The following KPNA4 variants were observed in gnomAD, a reference collection of about 807,000 sequenced individuals.
KPNA4 encodes the protein karyopherin subunit alpha 4, also known as importin subunit alpha-3.
A neutral mutation model predicts 71.3 loss-of-function variants in KPNA4; 13 were observed. That is an observed-to-expected ratio of 0.18 (90% CI 0.12 to 0.29). The LOEUF (loss-of-function observed/expected upper bound fraction) is 0.29. KPNA4 is among the 10% of genes least tolerant of loss of function. The pLI is 1.00. For missense variants in KPNA4, 334 were observed against 603.2 expected, an observed-to-expected ratio of 0.55 and a Z score of 4.67; for synonymous variants, 189 against 195.2, an observed-to-expected ratio of 0.97 and a Z score of 0.26.
At chr3:160,539,487 G>C (rs571211099) in intron 1 of KPNA4, among the ~76,000 whole-genome samples, 5 of 152,146 alleles carry the variant, frequency 3.3e-5, no homozygotes, top group Admixed American at 2.0e-4. Context: ...TTACAACCCA[G>C]ACAGTCTCAC....
chr3:160,548,482 A>G (rs1285945994), intron 1 of KPNA4, among the ~76,000 whole-genome samples: 1 of 152,150 alleles, frequency 6.6e-6, no homozygotes, highest in East Asian at 1.9e-4. Flanking sequence ...TCCCCTGGCA[A>G]CCATTATTCC....
chr3:160,514,106 C>A lies in KPNA4; in HGVS notation c.1108G>T (p.Val370Leu), dbSNP rs757775746. The A allele has an allele frequency of 3.1e-6, 5 of 1,587,660 alleles. No individual in the cohort carries two copies. The highest frequency in any genetic ancestry group is 3.4e-6 in the Non-Finnish European group (4 of 1,171,340). Reference protein sequence around the residue: ...QVQAVIDANLVPMIIHLLDKG... With the variant: ...QVQAVIDANLLPMIIHLLDKG... The stretch of plus-strand genomic sequence containing the variant: ...TCCAAAAGGTGTATTATCATTGGTA[C>A]AAGATTGGCATCAATTACTGCCTGT... The change falls in exon 13 of 17, where the codon GTA becomes TTA. Residue 370 changes from valine to leucine, a missense_variant. By Grantham distance (32) the Val-to-Leu change is conservative (BLOSUM62 1). Transcript: ENST00000334256.
At position 160,497,419 on chromosome 3, in the gene KPNA4, T is replaced by TA. The variant is rs1265978691; in HGVS notation, c.*4684dup. The TA allele has an allele frequency of 6.6e-6, 1 of 152,010 alleles. No individual in the cohort carries two copies. The highest frequency in any genetic ancestry group is 2.4e-5 in the African/African-American group (1 of 41,406). The allele number at this position is 152,010 out of a possible 1,614,324, so 9.4% of individuals were successfully genotyped here. On this transcript the variant is annotated 3_prime_UTR_variant, in exon 17 of 17. Transcript: ENST00000334256. ...AGAGCGAGACTGTGTCTCAAAAAAA[T>TA]AAAAATAGAAGACTGCACTAATGCC...
intron 15 of KPNA4, among the ~76,000 whole-genome samples, chr3:160,505,726 G>A (rs1295194342): frequency 6.6e-6 from 1 of 152,142 alleles, no homozygotes; most frequent in Non-Finnish European, 1.5e-5. Context: ...CTTAAATGGA[G>A]AAAGTTATCT....
In KPNA4 at chr3:160,501,164, C is replaced by G. The variant is rs1720870468; in HGVS notation, c.*940G>C. ...AAATTAGTTTTGATGATATGGAAAGCTTTTCATAGCATCAAACATTCATCT... is the reference window on the plus strand; with the variant it reads ...AAATTAGTTTTGATGATATGGAAAGGTTTTCATAGCATCAAACATTCATCT... On this transcript the variant is annotated 3_prime_UTR_variant, in exon 17 of 17. Coordinates refer to ENST00000334256, the MANE Select transcript of KPNA4 (RefSeq NM_002268.5). 2 of 151,962 alleles carry G rather than the reference C, an allele frequency of 1.3e-5. No individual in the cohort carries two copies. The highest frequency in any genetic ancestry group is 1.3e-4 in the Admixed American group (2 of 15,216). The allele number at this position is 151,962 out of a possible 1,614,324, so 9.4% of individuals were successfully genotyped here. A position where few individuals can be genotyped will look rare whatever the true frequency, so the allele number is the denominator to read the frequency against.
chr3:160,553,749 TC>T (rs1722085051), intron 1 of KPNA4, among the ~76,000 whole-genome samples: 2 of 152,166 alleles, frequency 1.3e-5, no homozygotes, highest in South Asian at 4.1e-4. Context: ...AGAGATGCAA[TC>T]CTAGGTGTTC....
chr3:160,539,998 C>CT (rs376611861), intron 1 of KPNA4, among the ~76,000 whole-genome samples: 52,520 of 129,184 alleles, frequency 0.41, 11,592 homozygotes, highest in Non-Finnish European at 0.48. Flanking sequence ...TTTTTCTTTT[C>CT]TTTTTTTTTT....
intron 10 of KPNA4, among the ~76,000 whole-genome samples, chr3:160,523,545 G>A (rs940195980): frequency 2.0e-5 from 3 of 151,406 alleles, no homozygotes; most frequent in Non-Finnish European, 2.9e-5. Context: ...GTAAAAAGAA[G>A]ACATCAAATG....
chr3:160,565,156 G>T lies in KPNA4; in HGVS notation c.69+58C>A. Reference sequence around the variant, plus strand: ...CCTAATCCCCACACTCGGGGTCCCGGCGGAGACCGGCCCCAGGCCCACAGC... The same window carrying T: ...CCTAATCCCCACACTCGGGGTCCCGTCGGAGACCGGCCCCAGGCCCACAGC... On this transcript the variant is annotated intron_variant, in intron 1 of 16. Transcript: ENST00000334256. The T allele has an allele frequency of 4.9e-6, 7 of 1,429,150 alleles. 1 individual carries two copies. The South Asian group carries it at 7.3e-5, about 15-fold the overall frequency. The allele number at this position is 1,429,150 out of a possible 1,614,324, so 88.5% of individuals were successfully genotyped here. A position where few individuals can be genotyped will look rare whatever the true frequency, so the allele number is the denominator to read the frequency against.
Position 160,531,568 on chromosome 3 carries a change from TA to T in KPNA4, c.288-12del. On this transcript the variant is annotated splice_polypyrimidine_tract_variant and intron_variant, in intron 5 of 16. Coordinates refer to ENST00000334256, the MANE Select transcript of KPNA4 (RefSeq NM_002268.5). Reference sequence around the variant, plus strand: ...CTGGACAAAAGCTTCCTGTAAGAGATAAAAACACTCCTGTGAAACTTAATAA... The same window carrying T: ...CTGGACAAAAGCTTCCTGTAAGAGATAAAACACTCCTGTGAAACTTAATAA... The T allele has an allele frequency of 7.0e-7, 1 of 1,424,430 alleles. No individual in the cohort carries two copies. Among genetic ancestry groups the T allele is most frequent in the Non-Finnish European group, 9.7e-7 (1 of 1,035,762 alleles). The allele number at this position is 1,424,430 out of a possible 1,614,324, so 88.2% of individuals were successfully genotyped here. A position where few individuals can be genotyped will look rare whatever the true frequency, so the allele number is the denominator to read the frequency against.
intron 1 of KPNA4, among the ~76,000 whole-genome samples, chr3:160,558,021 C>A (rs911461166): frequency 6.6e-6 from 1 of 152,110 alleles, no homozygotes; most frequent in African/African-American, 2.4e-5. Context: ...TCTTGTATTA[C>A]CAACAAATAT....
At chr3:160,536,509 ATACTTT>A (rs1191697784) in intron 2 of KPNA4, among the ~76,000 whole-genome samples, 9 of 152,132 alleles carry the variant, frequency 5.9e-5, no homozygotes, top group African/African-American at 1.9e-4. Context: ...TCAATGACTT[ATACTTT>A]AAGTTCTTTA....
chr3:160,507,109 T>G (rs746929542), intron 15 of KPNA4, among the ~76,000 whole-genome samples: 3 of 152,216 alleles, frequency 2.0e-5, no homozygotes, highest in Non-Finnish European at 2.9e-5. Context: ...AAAGCTAATA[T>G]GTATTGTTTA....
intron 1 of KPNA4, among the ~76,000 whole-genome samples, chr3:160,552,922 G>C (rs1178036533): frequency 6.6e-6 from 1 of 152,158 alleles, no homozygotes; most frequent in African/African-American, 2.4e-5. Context: ...TCTCAGTAAG[G>C]AGTATGGAAG....
intron 12 of KPNA4, chr3:160,514,764 C>A (rs1462440677): frequency 3.0e-6 from 1 of 336,972 alleles, no homozygotes; most frequent in Non-Finnish European, 5.9e-6. Flanking sequence ...ATTGGCCTAT[C>A]TTAATCTTTT....
In KPNA4 at chr3:160,504,956, A is replaced by T; in HGVS notation, c.1467+2T>A. On this transcript the variant is annotated splice_donor_variant, in intron 16 of 16. Coordinates refer to ENST00000334256, the MANE Select transcript of KPNA4 (RefSeq NM_002268.5). LOFTEE classifies it high-confidence loss of function. ...TAAGAAAACTACAAAATTATTAAAT[A>T]CATCATCTGAAGAGAAGAACTGATC... is the stretch of plus-strand genomic sequence containing the variant. 1 of 1,390,282 alleles carries T rather than the reference A, an allele frequency of 7.2e-7. No individual in the cohort carries two copies. The highest frequency in any genetic ancestry group is 9.7e-7 in the Non-Finnish European group (1 of 1,027,690). The allele number at this position is 1,390,282 out of a possible 1,614,324, so 86.1% of individuals were successfully genotyped here.
intron 1 of KPNA4, among the ~76,000 whole-genome samples, chr3:160,543,346 A>G (rs554445676): frequency 2.4e-4 from 36 of 151,754 alleles, no homozygotes; most frequent in Middle Eastern, 3.4e-3. Context: ...AAACTGTATC[A>G]TTTTTTTCCC....
chr3:160,565,018 TC>T (rs895572742), intron 1 of KPNA4, among the ~76,000 whole-genome samples, 195 bp downstream of exon 1: 2 of 149,782 alleles, frequency 1.3e-5, no homozygotes, highest in African/African-American at 4.9e-5. Flanking sequence ...GGCACCTCGC[TC>T]CCCGGCGGAG....
chr3:160,548,027 T>C (rs1255910403), intron 1 of KPNA4, among the ~76,000 whole-genome samples: 2 of 152,204 alleles, frequency 1.3e-5, no homozygotes, highest in Non-Finnish European at 2.9e-5. Context: ...TGGACATAAG[T>C]TTTGAACTCA....
Sources: allele counts gnomAD v4.1 joint callset (sites outside exome capture counted in the v4.1 genomes callset), GRCh38; gene constraint gnomAD v4.1.1; transcripts MANE v1.5; gene names NCBI Gene and HGNC (gene_info 2026-07-23, HGNC 2026-07-21).